CLASP1: variants seen among roughly 807,000 people sequenced by gnomAD.
The protein encoded by CLASP1 is cytoplasmic linker associated protein 1.
CLASP1 carries 38 observed loss-of-function variants against 192.3 expected under a neutral mutation model. The observed-to-expected ratio is 0.20, with a 90% CI of 0.15 to 0.26. The LOEUF is 0.26. Ranked by LOEUF, CLASP1 falls within the 10% of genes least tolerant of loss-of-function variation. The probability of loss-of-function intolerance (pLI) is 1.00; values close to 1 mark genes in which losing one functional copy is unlikely to be tolerated. For synonymous variants in CLASP1, 691 were observed against 712.8 expected (o/e 0.97, Z 0.49); for missense variants, 1,433 against 1,932.5 (o/e 0.74, Z 4.85).
intron 6 of CLASP1, among the ~76,000 whole-genome samples, chr2:121,522,393 C>T (rs951425946): frequency 1.1e-4 from 17 of 152,138 alleles, no homozygotes; most frequent in African/African-American, 4.1e-4. Context: ...CCATTATAGG[C>T]TCCAAACTCC....
chr2:121,614,844 C>T (rs1384498886), intron 1 of CLASP1, among the ~76,000 whole-genome samples: 1 of 152,086 alleles, frequency 6.6e-6, no homozygotes, highest in East Asian at 1.9e-4. Flanking sequence ...CTGTCAATGT[C>T]GGAGGTCAAC....
intron 33 of CLASP1, among the ~76,000 whole-genome samples, chr2:121,381,245 A>T (rs1481260664): frequency 6.6e-6 from 1 of 152,194 alleles, no homozygotes; most frequent in East Asian, 1.9e-4. Context: ...GTATTCCACA[A>T]AAGTCAGAAT....
At chr2:121,431,824 T>A (rs1007546269) in intron 19 of CLASP1, among the ~76,000 whole-genome samples, 1 of 152,158 alleles carries the variant, frequency 6.6e-6, no homozygotes. Context: ...AGAACGTTTT[T>A]AAATTATAAC....
At chr2:121,374,885 C>G (rs1308861200) in intron 34 of CLASP1, among the ~76,000 whole-genome samples, 2 of 152,122 alleles carry the variant, frequency 1.3e-5, no homozygotes, top group Non-Finnish European at 2.9e-5. Context: ...GCGGAAGGGA[C>G]TTGCTTTGTC....
chr2:121,488,693 C>G (rs2093130412), intron 8 of CLASP1, among the ~76,000 whole-genome samples: 1 of 152,230 alleles, frequency 6.6e-6, no homozygotes, highest in Non-Finnish European at 1.5e-5. Flanking sequence ...CAGGAAAGTG[C>G]TCTGAAAACA....
intron 1 of CLASP1, among the ~76,000 whole-genome samples, chr2:121,641,518 T>C (rs1169547886): frequency 6.6e-6 from 1 of 152,206 alleles, no homozygotes; most frequent in Non-Finnish European, 1.5e-5. Flanking sequence ...GGCTGCATTT[T>C]CCTCTATGCC....
At chr2:121,452,334 A>G (rs982323146) in intron 14 of CLASP1, among the ~76,000 whole-genome samples, 6 of 152,204 alleles carry the variant, frequency 3.9e-5, no homozygotes, top group Non-Finnish European at 8.8e-5. Context: ...AGTGCTTAAA[A>G]TGGATTTTCT....
At chr2:121,344,618 G>A (rs1347694960) in intron 39 of CLASP1, among the ~76,000 whole-genome samples, 3 of 151,914 alleles carry the variant, frequency 2.0e-5, no homozygotes, top group South Asian at 2.1e-4. Context: ...GGTATGAGCC[G>A]TGCCCAGCCT....
At chr2:121,645,568 T>C (rs916044339) in intron 1 of CLASP1, among the ~76,000 whole-genome samples, 2 of 152,250 alleles carry the variant, frequency 1.3e-5, no homozygotes, top group South Asian at 2.1e-4. Flanking sequence ...AGTCACTTAG[T>C]AAGCAACAGA....
At chr2:121,442,873 T>G (rs1186978663) in intron 19 of CLASP1, among the ~76,000 whole-genome samples, 1 of 151,186 alleles carries the variant, frequency 6.6e-6, no homozygotes, top group Non-Finnish European at 1.5e-5. Context: ...TAATAAATTT[T>G]TAAAAGGCCC....
At chr2:121,398,232 A>C in intron 29 of CLASP1, 90 bp downstream of exon 30, 1 of 927,002 alleles carries the variant, frequency 1.1e-6, no homozygotes, top group Non-Finnish European at 1.7e-6. Context: ...ATTTATTCAC[A>C]ATAGCTAAAC....
intron 25 of CLASP1, 59 bp from the exon 27 acceptor site, chr2:121,404,493 G>T (rs2076622784): frequency 1.4e-6 from 2 of 1,455,014 alleles, no homozygotes; most frequent in Middle Eastern, 3.5e-4. Context: ...TTGAGACAGG[G>T]TCTCACTCTA....
chr2:121,338,933 A>G (rs1306190386), exon 40 of CLASP1: 1 of 152,620 alleles, frequency 6.6e-6, no homozygotes, highest in African/African-American at 2.4e-5. Context: ...ATTCACTTGT[A>G]GAGTGTAAAA....
At chr2:121,507,859 C>G (rs2093990859) in intron 7 of CLASP1, among the ~76,000 whole-genome samples, 1 of 151,984 alleles carries the variant, frequency 6.6e-6, no homozygotes, top group Non-Finnish European at 1.5e-5. Context: ...CAGAGTGGAG[C>G]AGGGTGGGAA....
intron 2 of CLASP1, among the ~76,000 whole-genome samples, chr2:121,599,398 G>A (rs1395584016): frequency 5.4e-5 from 8 of 149,304 alleles, no homozygotes; most frequent in African/African-American, 2.0e-4. Context: ...GACCAGCCTG[G>A]CCAATATGGT....
In CLASP1 at chr2:121,595,851, C is replaced by T. The variant is rs539630895; in HGVS notation, c.195+9850G>A. Among the ~76,000 whole-genome samples the T allele has an allele frequency of 3.3e-5, 5 of 152,326 alleles. No individual in the cohort carries two copies. The South Asian group carries it at 8.3e-4, about 25-fold the overall frequency. On this transcript the variant is annotated intron_variant, in intron 2 of 39. Transcript: ENST00000263710. The stretch of plus-strand genomic sequence containing the variant: ...TATGAGTATTTGGTCCCATAATATA[C>T]ATTTTCGTCAACTTCCTTTTACTGA...
intron 30 of CLASP1, among the ~76,000 whole-genome samples, chr2:121,395,163 C>A (rs1022614444): frequency 7.2e-5 from 11 of 152,086 alleles, no homozygotes; most frequent in African/African-American, 2.7e-4. Context: ...GACTGCAGAT[C>A]CAGATGACAT....
exon 11 of CLASP1, chr2:121,461,137 A>T: frequency 2.5e-6 from 4 of 1,607,554 alleles, no homozygotes; most frequent in Non-Finnish European, 3.4e-6. Flanking sequence ...GCTTGTCATC[A>T]GATAATATTT....
intron 9 of CLASP1, among the ~76,000 whole-genome samples, chr2:121,468,569 C>T (rs1325629541): frequency 6.6e-6 from 1 of 152,062 alleles, no homozygotes; most frequent in Non-Finnish European, 1.5e-5. Context: ...CGATTTGGCT[C>T]TCTGCTTGCC....
Sources: gnomAD v4.1 joint callset for allele counts (sites outside exome capture counted in the v4.1 genomes callset) on GRCh38, gnomAD v4.1.1 for gene constraint, MANE v1.5 for transcripts, NCBI Gene and HGNC (gene_info 2026-07-23, HGNC 2026-07-21) for gene names.